The following EPHA8 variants were observed in gnomAD, a reference collection of about 807,000 sequenced individuals.
The protein encoded by EPHA8 is ephrin type-A receptor 8.
Under a neutral mutation model 103.6 loss-of-function variants are expected in EPHA8, and 58 were observed. That is an observed-to-expected ratio of 0.56 (90% CI 0.45 to 0.70). The LOEUF is 0.70. Ranked by LOEUF, EPHA8 falls within the 30% of genes least tolerant of loss-of-function variation. EPHA8 has a pLI of 0.00. For synonymous variants in EPHA8, 559 were observed against 572.5 expected, an observed-to-expected ratio of 0.98 and a Z score of 0.34; for missense variants, 1,304 against 1,395.2, an observed-to-expected ratio of 0.93 and a Z score of 1.04.
chr1:22,578,831 G>A (rs1435110102), intron 3 of EPHA8, among the ~76,000 whole-genome samples: 2 of 146,078 alleles, frequency 1.4e-5, no homozygotes, highest in African/African-American at 5.0e-5. Context: ...GTGCATGCCT[G>A]TGTGTATATG....
In EPHA8 at chr1:22,576,945, A is replaced by G; in HGVS notation, c.823+65A>G. ...GGTGCTTGGTCTTGGCAGGGCTGCC[A>G]GGGTGTAAGGGGGGACGTCAGAGCC... On this transcript the variant is annotated intron_variant, in intron 3 of 16. Coordinates refer to ENST00000166244, the MANE Select transcript of EPHA8 (RefSeq NM_020526.5). This position sits in a 1 kb window ranked among gnomAD's most constrained non-coding sequence, Gnocchi z 4.8. The G allele has an allele frequency of 2.0e-6, 3 of 1,502,332 alleles. No homozygotes were observed. Among genetic ancestry groups the G allele is most frequent in the Non-Finnish European group, 2.7e-6 (3 of 1,124,494 alleles). The allele number at this position is 1,502,332 out of a possible 1,614,324, so 93.1% of individuals were successfully genotyped here.
intron 3 of EPHA8, among the ~76,000 whole-genome samples, chr1:22,583,045 C>A (rs549944762): frequency 3.3e-5 from 5 of 152,342 alleles, no homozygotes; most frequent in African/African-American, 9.6e-5. Context: ...CGGCTCTTTG[C>A]GGGGGAGAGC....
Position 22,598,741 on chromosome 1 carries a change from C to G in EPHA8, c.2179-97C>G, listed in dbSNP as rs973863581. On this transcript the variant is annotated intron_variant, in intron 12 of 16. Transcript: ENST00000166244. This position sits in a 1 kb window ranked among gnomAD's most constrained non-coding sequence, Gnocchi z 5.1. ...CACTTGGCAAATTGCAAAGCACCGT[C>G]TCAACTCGAGAGCATCCTACAGATG... 7.8e-7 allele frequency: 1 copy of G among 1,282,536 alleles called. No homozygotes were observed. Among genetic ancestry groups the G allele is most frequent in the Admixed American group, 2.0e-5 (1 of 50,470 alleles). 79.4% of individuals were successfully genotyped at this position (1,282,536 alleles called of 1,614,324 possible).
At chr1:22,578,320 G>A (rs1640839595) in intron 3 of EPHA8, among the ~76,000 whole-genome samples, 1 of 151,222 alleles carries the variant, frequency 6.6e-6, no homozygotes, top group South Asian at 2.1e-4. Context: ...GCATATGTAT[G>A]CATGTGTGCA....
Position 22,601,041 on chromosome 1 carries a change from G to C in EPHA8, c.2682G>C (p.Ala894=). 6.8e-6 allele frequency: 11 copies of C among 1,612,284 alleles called. No individual in the cohort carries two copies. The highest frequency in any genetic ancestry group is 9.3e-6 in the Non-Finnish European group (11 of 1,179,690). The change falls in exon 15 of 17, where the codon GCG becomes GCC. Residue 894 remains alanine, a synonymous_variant. Coordinates refer to ENST00000166244, the MANE Select transcript of EPHA8 (RefSeq NM_020526.5). ...CCCAGATTGTCAGTGTCCTCGATGC[G>C]CTCATCCGCAGCCCTGAGAGTCTCA... ...RFSQIVSVLD[A]LIRSPESLRA... is the part of the protein sequence containing the mutation.
Position 22,597,566 on chromosome 1 carries a change from G to A in EPHA8, c.1930+90G>A, listed in dbSNP as rs1570029233. On this transcript the variant is annotated intron_variant, in intron 10 of 16. Transcript: ENST00000166244. This position sits in a 1 kb window ranked among gnomAD's most constrained non-coding sequence, Gnocchi z 4.6. Reference sequence around the variant, plus strand: ...TGGGGGCACCCAGGGCAGAGGGAGCGTGTGACCCAGGGGTCTGGCAAGCCC... The same window carrying A: ...TGGGGGCACCCAGGGCAGAGGGAGCATGTGACCCAGGGGTCTGGCAAGCCC... 7.0e-6 allele frequency: 11 copies of A among 1,562,828 alleles called. No individual in the cohort carries two copies. Among genetic ancestry groups the A allele is most frequent in the Admixed American group, 3.6e-5 (2 of 55,680 alleles).
chr1:22,566,623 C>T (rs1043451950), intron 1 of EPHA8, among the ~76,000 whole-genome samples: 13 of 152,082 alleles, frequency 8.5e-5, no homozygotes, highest in South Asian at 2.1e-4. Context: ...GTCCGATCCC[C>T]GTGTTTGGTA....
chr1:22,592,058 G>A (rs759104462), intron 5 of EPHA8, among the ~76,000 whole-genome samples: 4 of 152,176 alleles, frequency 2.6e-5, no homozygotes, highest in South Asian at 2.1e-4. Context: ...CATGTGATAG[G>A]CACTCAGGAG....
rs756576145 is a variant in EPHA8, at chr1:22,576,329, G to C, written c.272G>C (p.Arg91Pro). Reference sequence around the variant, plus strand: ...TGGCTGCGCACGAGCTGGGTCCCCCGAGACGGCGCCCGGCGCGTCTATGCT... The same window carrying C: ...TGGCTGCGCACGAGCTGGGTCCCCCCAGACGGCGCCCGGCGCGTCTATGCT... ...NNWLRTSWVP[R>P]DGARRVYAEI... Residue 91 changes from arginine to proline, a missense_variant, in exon 3 of 17, where the codon CGA becomes CCA. Physicochemically the swap from Arg to Pro is moderately radical, Grantham distance 103. Coordinates refer to ENST00000166244, the MANE Select transcript of EPHA8 (RefSeq NM_020526.5). This position sits in a 1 kb window ranked among gnomAD's most constrained non-coding sequence, Gnocchi z 4.8. The C allele has an allele frequency of 6.2e-7, 1 of 1,613,816 alleles. No individual in the cohort carries two copies. The highest frequency in any genetic ancestry group is 2.2e-5 in the East Asian group (1 of 44,878).
intron 2 of EPHA8, among the ~76,000 whole-genome samples, chr1:22,572,604 T>C (rs1415976349): frequency 1.3e-5 from 2 of 152,230 alleles, no homozygotes; most frequent in Non-Finnish European, 2.9e-5. Flanking sequence ...ATTTCCATTG[T>C]CTCACTGGAT....
Position 22,576,317 on chromosome 1 carries a change from G to A in EPHA8, c.260G>A (p.Ser87Asn), listed in dbSNP as rs759737535. 7 of 1,613,882 alleles carry A rather than the reference G, an allele frequency of 4.3e-6. No homozygotes were observed. The Admixed American group carries it at 6.7e-5, about 15-fold the overall frequency. Residue 87 changes from serine (S) to asparagine (N), a missense_variant, in exon 3 of 17, where the codon AGC (serine) becomes AAC (asparagine). Transcript: ENST00000166244. The surrounding 1 kb of genome is among the most constrained non-coding windows in gnomAD (Gnocchi z 4.8). Reference protein sequence around the residue: ...SPNQNNWLRTSWVPRDGARRV... With the variant: ...SPNQNNWLRTNWVPRDGARRV... ...AACCAGAACAACTGGCTGCGCACGA[G>A]CTGGGTCCCCCGAGACGGCGCCCGG...
chr1:22,580,400 A>G (rs1641014796), intron 3 of EPHA8, among the ~76,000 whole-genome samples: 1 of 151,852 alleles, frequency 6.6e-6, no homozygotes, highest in Admixed American at 6.6e-5. Context: ...CGGCCTCCCA[A>G]AGTGCTGGGA....
Position 22,569,983 on chromosome 1 carries a change from A to C in EPHA8, c.159+630A>C, listed in dbSNP as rs1408986575. Among the ~76,000 whole-genome samples, 1 of 152,096 alleles carries C rather than the reference A, an allele frequency of 6.6e-6. No individual in the cohort carries two copies. Among genetic ancestry groups the C allele is most frequent in the Non-Finnish European group, 1.5e-5 (1 of 67,998 alleles). On this transcript the variant is annotated intron_variant, in intron 2 of 16. Transcript: ENST00000166244. This position sits in a 1 kb window ranked among gnomAD's most constrained non-coding sequence, Gnocchi z 4.5. ...GTGAGATCCCAGCTCTGCCCTTGAC[A>C]AGCAGGTGGACTTGGGTCACCATTT...
chr1:22,575,732 C>T (rs1412581368), intron 2 of EPHA8, among the ~76,000 whole-genome samples: 1 of 152,084 alleles, frequency 6.6e-6, no homozygotes, highest in African/African-American at 2.4e-5. Flanking sequence ...AATCACTCAA[C>T]AAGCAGCTGT....
chr1:22,582,638 G>A (rs918200804), intron 3 of EPHA8, among the ~76,000 whole-genome samples: 1 of 152,166 alleles, frequency 6.6e-6, no homozygotes, highest in African/African-American at 2.4e-5. Flanking sequence ...AGCGAGGGGT[G>A]GTTGATAGAA....
chr1:22,585,670 G>T (rs1001196302), intron 3 of EPHA8, among the ~76,000 whole-genome samples: 2 of 152,210 alleles, frequency 1.3e-5, no homozygotes, highest in African/African-American at 2.4e-5. Flanking sequence ...GGGGAGGCAG[G>T]GCTGGAAGCC....
At chr1:22,566,047 T>A (rs1640349424) in intron 1 of EPHA8, among the ~76,000 whole-genome samples, 1 of 152,192 alleles carries the variant, frequency 6.6e-6, no homozygotes, top group South Asian at 2.1e-4. Context: ...CAGCTGGGTC[T>A]AGCAAAGGTA....
At chr1:22,587,841 A>C (rs1641260103) in intron 4 of EPHA8, among the ~76,000 whole-genome samples, 3 of 152,024 alleles carry the variant, frequency 2.0e-5, no homozygotes, top group South Asian at 2.1e-4. Context: ...ACAGACACAC[A>C]CACCCACCCT....
Position 22,593,460 on chromosome 1 carries a change from G to A in EPHA8, c.1440+10G>A. ...CAAGTACTACGAGAAGGTACCACGG[G>A]CAGGACGGAGTGGGAGGGGCTGGGC... On this transcript the variant is annotated intron_variant, in intron 6 of 16. Coordinates refer to ENST00000166244, the MANE Select transcript of EPHA8 (RefSeq NM_020526.5). The A allele has an allele frequency of 6.2e-7, 1 of 1,610,452 alleles. No homozygotes were observed. The highest frequency in any genetic ancestry group is 2.2e-5 in the East Asian group (1 of 44,802).
Sources: allele counts gnomAD v4.1 joint callset (sites outside exome capture counted in the v4.1 genomes callset), GRCh38; gene constraint gnomAD v4.1.1; non-coding constraint Gnocchi (gnomAD v3.1); transcripts MANE v1.5; gene names NCBI Gene and HGNC (gene_info 2026-07-23, HGNC 2026-07-21).